Variants in TANC2 observed in about 807,000 individuals in gnomAD.
TANC2 encodes tetratricopeptide repeat, ankyrin repeat and coiled-coil containing 2.
A neutral mutation model predicts 210.5 loss-of-function variants in TANC2; 26 were observed. The observed-to-expected ratio is 0.12, with a 90% confidence interval of 0.09 to 0.17. The LOEUF (loss-of-function observed/expected upper bound fraction) is 0.17. Among genes scored for constraint, TANC2 ranks in the 10% least tolerant of loss-of-function variants. TANC2 has a pLI of 1.00. For synonymous variants in TANC2, 931 were observed against 967.1 expected (o/e 0.96, Z 0.69); for missense variants, 2,129 against 2,608.9 (o/e 0.82, Z 4.01).
rs776984823 is a variant in TANC2 at position 62,994,177 on chromosome 17, A to AT, written c.-23-15346dup. Among the ~76,000 whole-genome samples the AT allele has an allele frequency of 4.0e-3, 580 of 144,498 alleles. 3 individuals carry two copies. Among genetic ancestry groups the AT allele is most frequent in the Middle Eastern group, 0.014 (4 of 278 alleles). 94.8% of individuals were successfully genotyped at this position (144,498 alleles called of 152,430 possible). On this transcript the variant is annotated intron_variant, in intron 1 of 27. Coordinates refer to ENST00000689528, the Ensembl canonical transcript of TANC2. ...ATGGTGTATAGAAGTGGTAAGTAGA[A>AT]TTTTTTTTTTTTTTGAGACAAAGTC... is the stretch of plus-strand genomic sequence containing the variant.
At chr17:63,113,588 G>T (rs2038136111) in intron 4 of TANC2, among the ~76,000 whole-genome samples, 1 of 152,118 alleles carries the variant, frequency 6.6e-6, no homozygotes, top group South Asian at 2.1e-4. Context: ...GCTCATTGCA[G>T]CCTCAACCTC....
chr17:63,030,528 C>A (rs887492708), intron 2 of TANC2, among the ~76,000 whole-genome samples: 1 of 152,076 alleles, frequency 6.6e-6, no homozygotes, highest in African/African-American at 2.4e-5. Context: ...AACAACTAAT[C>A]CCTTCTTGGG....
Position 63,217,784 on chromosome 17 carries a change from A to G in TANC2, c.769+16827A>G, listed in dbSNP as rs144481338. On this transcript the variant is annotated intron_variant, in intron 7 of 27. Coordinates refer to ENST00000689528, the Ensembl canonical transcript of TANC2. ...ACATGACATGAACAGGAGAGTACAG[A>G]CCAATTATCTCTCATGAATGCAGAG... Among the ~76,000 whole-genome samples, 464 of 152,334 alleles carry G rather than the reference A, an allele frequency of 3.0e-3. 3 individuals are homozygous for G. The highest frequency in any genetic ancestry group is 0.01 in the African/African-American group (420 of 41,584).
intron 3 of TANC2, among the ~76,000 whole-genome samples, chr17:63,081,024 G>T (rs1382464888): frequency 4.6e-5 from 7 of 152,076 alleles, no homozygotes; most frequent in Admixed American, 2.0e-4. Flanking sequence ...CATGTATTTA[G>T]AACCTTTTCA....
At chr17:63,188,950 C>G (rs2041094491) in intron 5 of TANC2, among the ~76,000 whole-genome samples, 1 of 152,090 alleles carries the variant, frequency 6.6e-6, no homozygotes, top group South Asian at 2.1e-4. Flanking sequence ...CCACACAACC[C>G]AGTCCTAGGC....
exon 28 of TANC2, chr17:63,426,669 C>G (rs1338005747): frequency 6.6e-6 from 1 of 152,288 alleles, no homozygotes; most frequent in South Asian, 2.1e-4. Context: ...ACCCCATCAT[C>G]TCATTGCCTC....
At chr17:63,185,496 CTAG>C (rs1245296117) in intron 5 of TANC2, among the ~76,000 whole-genome samples, 1 of 152,056 alleles carries the variant, frequency 6.6e-6, no homozygotes, top group Admixed American at 6.6e-5. Context: ...TTTTATACAA[CTAG>C]TAGTGGACTT....
intron 2 of TANC2, among the ~76,000 whole-genome samples, chr17:63,010,547 G>A (rs1029644970): frequency 1.2e-4 from 18 of 150,712 alleles, no homozygotes; most frequent in East Asian, 1.9e-4. Flanking sequence ...CAATTCTGAC[G>A]CTGTCTACCC....
At chr17:63,300,464 G>A (rs889284705) in intron 9 of TANC2, among the ~76,000 whole-genome samples, 1 of 152,096 alleles carries the variant, frequency 6.6e-6, no homozygotes, top group Non-Finnish European at 1.5e-5. Context: ...GCAGTGGTTT[G>A]TAGTTCTCCT....
At chr17:63,165,283 AAAG>A (rs2040174351) in intron 5 of TANC2, among the ~76,000 whole-genome samples, 1 of 151,962 alleles carries the variant, frequency 6.6e-6, no homozygotes, top group Non-Finnish European at 1.5e-5. Flanking sequence ...TTTAAAAAAA[AAAG>A]AAAGAAATGC....
At chr17:63,265,710 C>CA (rs1354165975) in intron 8 of TANC2, among the ~76,000 whole-genome samples, 1 of 152,052 alleles carries the variant, frequency 6.6e-6, no homozygotes, top group Non-Finnish European at 1.5e-5. Context: ...GGATTCTTAG[C>CA]AAAGACATAG....
chr17:63,248,413 C>T (rs1391046901), intron 8 of TANC2, among the ~76,000 whole-genome samples: 1 of 152,010 alleles, frequency 6.6e-6, no homozygotes, highest in Non-Finnish European at 1.5e-5. Flanking sequence ...TAATAAAAAG[C>T]CTTATTCAGA....
intron 2 of TANC2, among the ~76,000 whole-genome samples, chr17:63,061,183 A>G (rs182263998): frequency 2.0e-5 from 3 of 152,206 alleles, no homozygotes; most frequent in Admixed American, 6.5e-5. Flanking sequence ...CCTGACCAAC[A>G]TGGTGAAACC....
chr17:63,207,767 A>G (rs190956092), intron 7 of TANC2, among the ~76,000 whole-genome samples: 1 of 152,198 alleles, frequency 6.6e-6, no homozygotes, highest in Non-Finnish European at 1.5e-5. Flanking sequence ...TTGTCAGATT[A>G]TTAGAAATGT....
intron 6 of TANC2, among the ~76,000 whole-genome samples, chr17:63,200,086 T>C (rs1261890007): frequency 6.6e-6 from 1 of 152,036 alleles, no homozygotes; most frequent in Non-Finnish European, 1.5e-5. Flanking sequence ...CTGGGTCCAG[T>C]GGCTCATGCC....
rs547465866 is a variant in TANC2, at chr17:63,138,637, T to C, written c.323-12633T>C. Among the ~76,000 whole-genome samples the C allele has an allele frequency of 3.9e-5, 6 of 152,258 alleles. No homozygotes were observed. In the South Asian group the frequency reaches 1.0e-3, roughly 26 times the overall value. On this transcript the variant is annotated intron_variant, in intron 4 of 27. Coordinates refer to ENST00000689528, the Ensembl canonical transcript of TANC2. ...CGTCTCTTCACCATCTTACCTATCT[T>C]TTCCTTTCTCTTTCTTAATGATCAG...
chr17:63,133,405 A>G (rs569309707), intron 4 of TANC2, among the ~76,000 whole-genome samples: 35 of 152,282 alleles, frequency 2.3e-4, no homozygotes, highest in South Asian at 2.1e-3. Flanking sequence ...GCGCCTGGCC[A>G]GTAGTTTTTT....
chr17:63,285,230 T>C (rs2044184869), intron 9 of TANC2, among the ~76,000 whole-genome samples: 1 of 152,124 alleles, frequency 6.6e-6, no homozygotes, highest in Admixed American at 6.6e-5. Context: ...TTTTTTTAAT[T>C]AGGGGAGGTT....
At chr17:63,351,904 G>A (rs2046621892) in intron 13 of TANC2, among the ~76,000 whole-genome samples, 1 of 152,016 alleles carries the variant, frequency 6.6e-6, no homozygotes, top group African/African-American at 2.4e-5. Context: ...GGCAATATTA[G>A]GGCTTTAGAT....
Sources: gnomAD v4.1 joint callset for allele counts (sites outside exome capture counted in the v4.1 genomes callset) on GRCh38, gnomAD v4.1.1 for gene constraint, MANE v1.5 for transcripts, NCBI Gene and HGNC (gene_info 2026-07-23, HGNC 2026-07-21) for gene names.